PCP4: variants seen among roughly 807,000 people sequenced by gnomAD.
PCP4 encodes Purkinje cell protein 4, also known as calmodulin regulator protein PCP4.
A neutral mutation model predicts 10.0 loss-of-function variants in PCP4; 8 were observed. The ratio of observed to expected loss-of-function variants is 0.80; its 90% CI spans 0.47 to 1.45. The LOEUF (loss-of-function observed/expected upper bound fraction) is 1.45. PCP4 is among the 40% of genes most tolerant of loss of function. The pLI is 0.00. For missense variants in PCP4, 54 were observed against 74.4 expected (o/e 0.73, Z 1.01); for synonymous variants, 21 against 23.0 (o/e 0.91, Z 0.24).
intron 2 of PCP4, among the ~76,000 whole-genome samples, chr21:39,908,056 T>C (rs2244424): frequency 0.14 from 20,949 of 152,000 alleles, 1,715 homozygotes; most frequent in East Asian, 0.38. Context: ...AAGTGATTGC[T>C]GCTTCCCAAA....
chr21:39,923,384 C>T (rs1208014232), intron 2 of PCP4, among the ~76,000 whole-genome samples: 1 of 152,160 alleles, frequency 6.6e-6, no homozygotes, highest in East Asian at 1.9e-4. Context: ...GTAAGTTGCC[C>T]ACCTGTGATT....
intron 2 of PCP4, among the ~76,000 whole-genome samples, chr21:39,900,822 T>C (rs1446028461): frequency 6.6e-6 from 1 of 152,124 alleles, no homozygotes; most frequent in Admixed American, 6.6e-5. Context: ...AGGGTCATTC[T>C]CAGGGTATGC....
At chr21:39,892,757 T>C (rs1288821571) in intron 1 of PCP4, among the ~76,000 whole-genome samples, 1 of 152,184 alleles carries the variant, frequency 6.6e-6, no homozygotes, top group Non-Finnish European at 1.5e-5. Flanking sequence ...ACAGTTATTA[T>C]TGACTATCGT....
chr21:39,928,608 C>A (rs2087636078), intron 2 of PCP4, among the ~76,000 whole-genome samples: 1 of 152,182 alleles, frequency 6.6e-6, no homozygotes, highest in South Asian at 2.1e-4. Flanking sequence ...TTGTGAATAT[C>A]AGCTATCATT....
At chr21:39,924,217 C>A (rs909482326) in intron 2 of PCP4, among the ~76,000 whole-genome samples, 4 of 152,208 alleles carry the variant, frequency 2.6e-5, no homozygotes, top group African/African-American at 9.7e-5. Flanking sequence ...TCTGGCCACG[C>A]CATGCCCAGT....
chr21:39,920,450 C>T (rs377479006), intron 2 of PCP4, among the ~76,000 whole-genome samples: 15 of 148,666 alleles, frequency 1.0e-4, no homozygotes, highest in African/African-American at 3.5e-4. Context: ...GTGGATGTGT[C>T]GGTCTGTTGT....
intron 1 of PCP4, among the ~76,000 whole-genome samples, chr21:39,869,466 T>G (rs1251872915): frequency 1.3e-5 from 2 of 152,202 alleles, no homozygotes; most frequent in African/African-American, 4.8e-5. Flanking sequence ...TCCTTTAATG[T>G]GGATAAAAGC....
At chr21:39,871,659 G>T (rs1290119227) in intron 1 of PCP4, among the ~76,000 whole-genome samples, 2 of 151,670 alleles carry the variant, frequency 1.3e-5, no homozygotes, top group South Asian at 2.1e-4. Context: ...TTACAATCTG[G>T]GTTTGAAGTT....
chr21:39,885,349 A>G (rs2087395271), intron 1 of PCP4, among the ~76,000 whole-genome samples: 1 of 152,194 alleles, frequency 6.6e-6, no homozygotes, highest in Non-Finnish European at 1.5e-5. Flanking sequence ...CCTGAGGCCT[A>G]GCCGCGAGCC....
At chr21:39,897,591 G>C (rs62235456) in intron 1 of PCP4, among the ~76,000 whole-genome samples, 7,744 of 152,142 alleles carry the variant, frequency 0.051, 245 homozygotes, top group South Asian at 0.1. Context: ...CACACCCAGA[G>C]AATCTTGCCC....
intron 1 of PCP4, among the ~76,000 whole-genome samples, chr21:39,888,009 C>CT (rs1344485447): frequency 6.6e-6 from 1 of 152,160 alleles, no homozygotes; most frequent in African/African-American, 2.4e-5. Context: ...TGTTTTTCCC[C>CT]TTTTTTATGA....
chr21:39,927,392 C>T (rs2087630278), intron 2 of PCP4, among the ~76,000 whole-genome samples: 1 of 149,408 alleles, frequency 6.7e-6, no homozygotes, highest in African/African-American at 2.5e-5. Context: ...ATCTATCTAT[C>T]ATCATCTATC....
chr21:39,904,681 G>A (rs945880320), intron 2 of PCP4, among the ~76,000 whole-genome samples: 1 of 152,188 alleles, frequency 6.6e-6, no homozygotes, highest in Non-Finnish European at 1.5e-5. Context: ...TGTGGATTGT[G>A]GTCATATCAG....
chr21:39,916,506 TG>T (rs1481039769), intron 2 of PCP4, among the ~76,000 whole-genome samples: 1 of 152,184 alleles, frequency 6.6e-6, no homozygotes, highest in Non-Finnish European at 1.5e-5. Context: ...TTTGAACCTA[TG>T]TATGTCTTAG....
At chr21:39,897,115 C>A (rs760830692) in intron 1 of PCP4, among the ~76,000 whole-genome samples, 2 of 152,112 alleles carry the variant, frequency 1.3e-5, no homozygotes, top group African/African-American at 2.4e-5. Context: ...CTTGGCTGGG[C>A]ATGGTGGCTC....
At chr21:39,923,108 G>A (rs2087604512) in intron 2 of PCP4, among the ~76,000 whole-genome samples, 1 of 152,190 alleles carries the variant, frequency 6.6e-6, no homozygotes. Context: ...AGGACCTGCG[G>A]CAAATACAAG....
intron 1 of PCP4, among the ~76,000 whole-genome samples, chr21:39,871,533 G>A (rs949443643): frequency 1.3e-5 from 2 of 152,226 alleles, no homozygotes; most frequent in Admixed American, 6.5e-5. Flanking sequence ...ATTTGAGGGT[G>A]TACCTGCAGC....
intron 2 of PCP4, among the ~76,000 whole-genome samples, chr21:39,920,208 GTGTT>G (rs2087589528): frequency 1.4e-5 from 2 of 146,614 alleles, no homozygotes; most frequent in Non-Finnish European, 3.0e-5. Context: ...TACGATATGT[GTGTT>G]TGGTGTGGTG....
intron 1 of PCP4, among the ~76,000 whole-genome samples, chr21:39,883,151 G>C (rs2087383966): frequency 6.6e-6 from 1 of 152,134 alleles, no homozygotes; most frequent in South Asian, 2.1e-4. Flanking sequence ...GTACAGTTCA[G>C]ATGCAGAAGG....
Sources: gnomAD v4.1 joint callset for allele counts (sites outside exome capture counted in the v4.1 genomes callset) on GRCh38, gnomAD v4.1.1 for gene constraint, MANE v1.5 for transcripts, NCBI Gene and HGNC (gene_info 2026-07-23, HGNC 2026-07-21) for gene names.